ARPP21: variants seen among roughly 807,000 people sequenced by gnomAD.
The protein encoded by ARPP21 is cAMP-regulated phosphoprotein 21.
Under a neutral mutation model 113.2 loss-of-function variants are expected in ARPP21, and 69 were observed. That is an observed-to-expected ratio of 0.61 (90% CI 0.50 to 0.74). The LOEUF is 0.74. Among genes scored for constraint, ARPP21 ranks in the 30% least tolerant of loss-of-function variants. The pLI, the probability that ARPP21 is intolerant of heterozygous loss-of-function variation, is 0.00. For missense variants in ARPP21, 1,070 were observed against 1,037.4 expected, an observed-to-expected ratio of 1.03 and a Z score of -0.43; for synonymous variants, 368 against 375.5, an observed-to-expected ratio of 0.98 and a Z score of 0.23.
chr3:35,743,735 T>C, intron 18 of ARPP21, 104 bp from the exon 19 acceptor site: 1 of 1,287,040 alleles, frequency 7.8e-7, no homozygotes. Context: ...GCGGTGGCCA[T>C]CTTCACAACC....
intron 19 of ARPP21, among the ~76,000 whole-genome samples, chr3:35,775,211 T>G (rs1463474630): frequency 1.3e-5 from 2 of 152,184 alleles, no homozygotes; most frequent in African/African-American, 4.8e-5. Context: ...GATGCCAAGC[T>G]GTTTTAAATA....
chr3:35,674,078 G>A (rs367624044), intron 1 of ARPP21, among the ~76,000 whole-genome samples: 1 of 151,874 alleles, frequency 6.6e-6, no homozygotes, highest in African/African-American at 2.4e-5. Flanking sequence ...AGATAAAGAA[G>A]AAACTTTTAA....
chr3:35,745,906 C>A (rs1480088484), intron 19 of ARPP21, among the ~76,000 whole-genome samples: 1 of 152,090 alleles, frequency 6.6e-6, no homozygotes, highest in Non-Finnish European at 1.5e-5. Context: ...GCAAAAATGA[C>A]CCTCCCAAGG....
chr3:35,792,442 C>A lies in ARPP21; in HGVS notation c.2198C>A (p.Pro733Gln). 6.2e-7 allele frequency: 1 copy of A among 1,613,874 alleles called. No homozygotes were observed. Among genetic ancestry groups the A allele is most frequent in the Non-Finnish European group, 8.5e-7 (1 of 1,179,756 alleles). ...GFQGLIGVQQPPQSQNVINNQ... is the reference protein window; with the variant it reads ...GFQGLIGVQQQPQSQNVINNQ... ...CAAGGCCTAATAGGAGTGCAGCAGC[C>A]ACCTCAGAGTCAGAACGTGATAAAT... The change falls in exon 20 of 21, where the codon CCA (proline) becomes CAA (glutamine). Residue 733 changes from proline (P) to glutamine (Q), a missense_variant. Pro to Gln is a moderately conservative substitution (Grantham distance 76). Coordinates refer to ENST00000684406, the MANE Select transcript of ARPP21 (RefSeq NM_001385562.1).
chr3:35,761,804 C>T (rs1241688679), intron 19 of ARPP21, among the ~76,000 whole-genome samples: 1 of 152,056 alleles, frequency 6.6e-6, no homozygotes, highest in African/African-American at 2.4e-5. Context: ...TTTGTTTCTA[C>T]AGGTTTAATT....
Position 35,792,450 on chromosome 3 carries a change from A to G in ARPP21, c.2206A>G (p.Ser736Gly). The G allele has an allele frequency of 6.2e-7, 1 of 1,613,968 alleles. No homozygotes were observed. ...GLIGVQQPPQ[S>G]QNVINNQQGT... ...AATAGGAGTGCAGCAGCCACCTCAG[A>G]GTCAGAACGTGATAAATAACCAACA... Residue 736 changes from serine (S) to glycine (G), a missense_variant, in exon 20 of 21, where the codon AGT (serine) becomes GGT (glycine). Physicochemically the swap from Ser to Gly is moderately conservative, Grantham distance 56 (BLOSUM62 0). Transcript: ENST00000684406.
intron 1 of ARPP21, among the ~76,000 whole-genome samples, chr3:35,668,015 A>AAGGAGAAGGAGAAGG (rs1559550236): frequency 1.4e-5 from 2 of 139,982 alleles, no homozygotes; most frequent in African/African-American, 5.4e-5. Context: ...GAAGAAGAAG[A>AAGGAGAAGGAGAAGG]AGAAGAAGAA....
chr3:35,693,080 G>T (rs1019589218), intron 9 of ARPP21, among the ~76,000 whole-genome samples: 2 of 151,394 alleles, frequency 1.3e-5, no homozygotes, highest in African/African-American at 4.8e-5. Flanking sequence ...AAAAATAGAT[G>T]CCACATGTTT....
At chr3:35,685,124 G>A (rs2080164453) in intron 5 of ARPP21, 2 of 985,328 alleles carry the variant, frequency 2.0e-6, no homozygotes, top group African/African-American at 1.7e-5. Context: ...CCTAATGCCA[G>A]GCAGAGAAGG....
Position 35,792,537 on chromosome 3 carries a change from A to C in ARPP21, c.2286+7A>C. On this transcript the variant is annotated splice_region_variant and intron_variant, in intron 20 of 20. Coordinates refer to ENST00000684406, the MANE Select transcript of ARPP21 (RefSeq NM_001385562.1). The stretch of plus-strand genomic sequence containing the variant: ...AACAATGTCTTCTTATCAGGTGCTC[A>C]TAAGCAGCTTGGAAAATTGTGGGTT... 1.9e-6 allele frequency: 3 copies of C among 1,613,758 alleles called. No homozygotes were observed. Among genetic ancestry groups the C allele is most frequent in the Non-Finnish European group, 2.5e-6 (3 of 1,179,648 alleles).
intron 19 of ARPP21, among the ~76,000 whole-genome samples, chr3:35,760,930 T>G (rs1409683012): frequency 3.9e-5 from 6 of 152,076 alleles, no homozygotes; most frequent in Admixed American, 3.3e-4. Context: ...ACTACTCAGT[T>G]TTTGTGGGAA....
At chr3:35,672,782 C>T (rs770554562) in intron 1 of ARPP21, among the ~76,000 whole-genome samples, 10 of 151,994 alleles carry the variant, frequency 6.6e-5, no homozygotes, top group Admixed American at 1.3e-4. Context: ...AGTGATTGAA[C>T]GAGCCATCAG....
chr3:35,698,343 C>T (rs2084893069), intron 9 of ARPP21, among the ~76,000 whole-genome samples: 1 of 151,492 alleles, frequency 6.6e-6, no homozygotes, highest in African/African-American at 2.4e-5. Flanking sequence ...ATTCCTTTCC[C>T]TACTCGAAAT....
Position 35,730,069 on chromosome 3 carries a change from G to T in ARPP21, c.1459+533G>T, listed in dbSNP as rs917703697. Among the ~76,000 whole-genome samples, 4 of 152,210 alleles carry T rather than the reference G, an allele frequency of 2.6e-5. No individual in the cohort carries two copies. In the East Asian group the frequency reaches 7.7e-4, roughly 29 times the overall value. On this transcript the variant is annotated intron_variant, in intron 15 of 20. Transcript: ENST00000684406. ...GAATAAGAAACAGCAGTGGCGAAGA[G>T]AATACAGAGAGAAAATTATTATGTA...
intron 19 of ARPP21, among the ~76,000 whole-genome samples, chr3:35,767,948 T>C (rs1207983630): frequency 1.3e-5 from 2 of 152,096 alleles, no homozygotes; most frequent in African/African-American, 4.8e-5. Flanking sequence ...GGTGCACCCA[T>C]GCTTTTCACC....
At position 35,737,328 on chromosome 3, in the gene ARPP21, C is replaced by T. The variant is rs766229611; in HGVS notation, c.1610C>T (p.Pro537Leu). 41 of 1,611,642 alleles carry T rather than the reference C, an allele frequency of 2.5e-5. No homozygotes were observed. The African/African-American group carries it at 2.8e-4, about 11-fold the overall frequency. ...SPQPQQQVQP[P>L]QPQMAGPLVT... Reference sequence around the variant, plus strand: ...CAGCCCCAACAGCAGGTCCAGCCACCGCAGCCACAGATGGCAGGCCCTCTG... The same window carrying T: ...CAGCCCCAACAGCAGGTCCAGCCACTGCAGCCACAGATGGCAGGCCCTCTG... The change falls in exon 16 of 21, where the codon CCG becomes CTG. Residue 537 changes from proline (P) to leucine (L), a missense_variant. Pro to Leu is a moderately conservative substitution (Grantham distance 98, BLOSUM62 -3). Coordinates refer to ENST00000684406, the MANE Select transcript of ARPP21 (RefSeq NM_001385562.1).
rs769102271 is a variant in ARPP21 at position 35,721,134 on chromosome 3, T to A, written c.996-471T>A. Among the ~76,000 whole-genome samples, 4 of 152,196 alleles carry A rather than the reference T, an allele frequency of 2.6e-5. No homozygotes were observed. The East Asian group carries it at 7.7e-4, about 29-fold the overall frequency. ...AACATGAATTAACAGCTTCTCTGGA[T>A]CTATGTGCATTTTTCCATTGACAAT... On this transcript the variant is annotated intron_variant, in intron 13 of 20. Transcript: ENST00000684406.
intron 19 of ARPP21, among the ~76,000 whole-genome samples, chr3:35,783,697 T>A (rs1265170793): frequency 6.6e-6 from 1 of 152,170 alleles, no homozygotes; most frequent in East Asian, 1.9e-4. Flanking sequence ...AACCTTATAT[T>A]GCACCTTAAG....
chr3:35,778,227 G>A (rs755668422), intron 19 of ARPP21, among the ~76,000 whole-genome samples: 2 of 152,174 alleles, frequency 1.3e-5, no homozygotes, highest in Non-Finnish European at 1.5e-5. Flanking sequence ...TTGAAGGGAA[G>A]GGGAGTGCTG....
Sources: gnomAD v4.1 joint callset for allele counts (sites outside exome capture counted in the v4.1 genomes callset) on GRCh38, gnomAD v4.1.1 for gene constraint, MANE v1.5 for transcripts, NCBI Gene and HGNC (gene_info 2026-07-23, HGNC 2026-07-21) for gene names.